Variants in TAF3 observed in about 807,000 individuals in gnomAD.
TAF3 encodes TATA-box binding protein associated factor 3.
TAF3 carries 7 observed loss-of-function variants against 80.6 expected under a neutral mutation model. The ratio of observed to expected loss-of-function variants is 0.09; its 90% CI spans 0.05 to 0.16. The LOEUF (loss-of-function observed/expected upper bound fraction) is 0.16. TAF3 is among the 10% of genes least tolerant of loss of function. TAF3 has a pLI of 1.00. For missense variants in TAF3, 921 were observed against 1,140.2 expected (o/e 0.81, Z 2.77); for synonymous variants, 444 against 446.1 (o/e 1.00, Z 0.06).
At chr10:7,919,990 A>T (rs917308693) in intron 2 of TAF3, among the ~76,000 whole-genome samples, 1 of 152,148 alleles carries the variant, frequency 6.6e-6, no homozygotes, top group East Asian at 1.9e-4. Flanking sequence ...TCATGCTGGT[A>T]ATCCCAGTGT....
chr10:7,824,738 G>A (rs1434471523), intron 2 of TAF3, among the ~76,000 whole-genome samples, 178 bp downstream of exon 2: 7 of 152,140 alleles, frequency 4.6e-5, no homozygotes, highest in Non-Finnish European at 8.8e-5. Context: ...TTACCAAGCC[G>A]AGTCACGGTG....
chr10:7,983,484 G>A (rs1831747177), intron 4 of TAF3, among the ~76,000 whole-genome samples: 1 of 152,132 alleles, frequency 6.6e-6, no homozygotes, highest in Admixed American at 6.5e-5. Context: ...ATTTCAGAAC[G>A]TCATCCTGTC....
intron 5 of TAF3, among the ~76,000 whole-genome samples, chr10:8,010,691 G>T (rs372766346): frequency 6.6e-6 from 1 of 152,210 alleles, no homozygotes; most frequent in South Asian, 2.1e-4. Flanking sequence ...TGGATCACTT[G>T]AGGTCAGGAG....
intron 6 of TAF3, 50 bp downstream of exon 6, chr10:8,013,887 C>A (rs377686447): frequency 6.7e-7 from 1 of 1,490,376 alleles, no homozygotes. Context: ...CAGCATCAGC[C>A]GCTCCTGAGA....
intron 2 of TAF3, among the ~76,000 whole-genome samples, chr10:7,933,686 A>C (rs936470505): frequency 1.3e-5 from 2 of 152,232 alleles, no homozygotes; most frequent in African/African-American, 4.8e-5. Flanking sequence ...TGTCTTTCAT[A>C]GGTCTCTAGT....
Position 7,899,503 on chromosome 10 carries a change from T to G in TAF3, c.410-64417T>G, listed in dbSNP as rs541254546. 5.3e-5 allele frequency among the ~76,000 whole-genome samples: 8 copies of G among 152,334 alleles called. No individual in the cohort carries two copies. The Middle Eastern group carries it at 0.014, about 259-fold the overall frequency. On this transcript the variant is annotated intron_variant, in intron 2 of 6. Transcript: ENST00000344293. Reference sequence around the variant, plus strand: ...TTGCAGTGTTTCTTTCCCTCTACAGTTAAACCCAGCCATTCACCCCTTCTC... The same window carrying G: ...TTGCAGTGTTTCTTTCCCTCTACAGGTAAACCCAGCCATTCACCCCTTCTC...
At chr10:7,822,195 TAGTGAC>T (rs1355280650) in intron 1 of TAF3, among the ~76,000 whole-genome samples, 7 of 143,608 alleles carry the variant, frequency 4.9e-5, no homozygotes, top group African/African-American at 1.8e-4. Flanking sequence ...TATACTGAGA[TAGTGAC>T]AGTAAGAATA....
At chr10:7,938,689 A>G (rs757548045) in intron 2 of TAF3, among the ~76,000 whole-genome samples, 3 of 152,356 alleles carry the variant, frequency 2.0e-5, no homozygotes, top group African/African-American at 2.4e-5. Context: ...TGAAACTGAG[A>G]TAAGAGAGGA....
At chr10:7,881,432 AG>A (rs1564355263) in intron 2 of TAF3, among the ~76,000 whole-genome samples, 1 of 152,072 alleles carries the variant, frequency 6.6e-6, no homozygotes, top group African/African-American at 2.4e-5. Context: ...TCTCTTTAAA[AG>A]GACAATAGTT....
At chr10:7,976,038 C>G (rs764459697) in intron 3 of TAF3, among the ~76,000 whole-genome samples, 1 of 152,084 alleles carries the variant, frequency 6.6e-6, no homozygotes, top group Non-Finnish European at 1.5e-5. Context: ...AAATGCAGAG[C>G]TTTTGTTTAG....
In TAF3 at chr10:7,820,141, A is replaced by C. The variant is rs35268313; in HGVS notation, c.166+1266A>C. Among the ~76,000 whole-genome samples, 845 of 152,216 alleles carry C rather than the reference A, an allele frequency of 5.6e-3. 8 individuals are homozygous for C. The highest frequency in any genetic ancestry group is 0.024 in the South Asian group (115 of 4,822). ...TACATGCGTGCTGTTTCTTACCTAG[A>C]GTGTCCTTTGCCCGTGGCCCACCAA... On this transcript the variant is annotated intron_variant, in intron 1 of 6. Coordinates refer to ENST00000344293, the MANE Select transcript of TAF3 (RefSeq NM_031923.4).
At chr10:8,011,153 G>C (rs965771618) in intron 5 of TAF3, among the ~76,000 whole-genome samples, 2 of 152,210 alleles carry the variant, frequency 1.3e-5, no homozygotes, top group African/African-American at 4.8e-5. Flanking sequence ...TGGTGGCCCT[G>C]ACCTTGTAAC....
In TAF3 at chr10:7,872,213, A is replaced by ATTTTTTTTT. The variant is rs34945620; in HGVS notation, c.409+47665_409+47673dup. Among the ~76,000 whole-genome samples the ATTTTTTTTT allele has an allele frequency of 1.1e-3, 135 of 121,904 alleles. 4 individuals are homozygous for ATTTTTTTTT. The highest frequency in any genetic ancestry group is 1.6e-3 in the African/African-American group (51 of 32,500). 80.0% of individuals were successfully genotyped at this position (121,904 alleles called of 152,430 possible). A position where few individuals can be genotyped will look rare whatever the true frequency, so the allele number is the denominator to read the frequency against. ...GTAACATGGTAGAAGTGTTGGGTTGATTTTTTTTTTTTTTTTTTTTCTTTC... is the reference window on the plus strand; with the variant it reads ...GTAACATGGTAGAAGTGTTGGGTTGATTTTTTTTTTTTTTTTTTTTTTTTTTTTTCTTTC... On this transcript the variant is annotated intron_variant, in intron 2 of 6. Transcript: ENST00000344293.
In TAF3 at chr10:8,009,378, G is replaced by A. The variant is rs762319202; in HGVS notation, c.2568+48G>A. 2.6e-6 allele frequency: 4 copies of A among 1,551,878 alleles called. No homozygotes were observed. Among genetic ancestry groups the A allele is most frequent in the East Asian group, 2.5e-5 (1 of 39,242 alleles). ...GTTAGCATGGAGACGTTTTCAGATC[G>A]AGACAAGTGTGTGCTCTGAATCACT... On this transcript the variant is annotated intron_variant, in intron 5 of 6. Transcript: ENST00000344293. The surrounding 1 kb of genome is among the most constrained non-coding windows in gnomAD (Gnocchi z 4.1).
intron 2 of TAF3, among the ~76,000 whole-genome samples, chr10:7,858,767 A>G (rs1455337792): frequency 1.3e-5 from 2 of 152,160 alleles, no homozygotes; most frequent in African/African-American, 2.4e-5. Flanking sequence ...TTTAATGTCA[A>G]CATTATCATC....
At chr10:7,867,829 C>G (rs577252814) in intron 2 of TAF3, among the ~76,000 whole-genome samples, 3 of 152,208 alleles carry the variant, frequency 2.0e-5, no homozygotes, top group Non-Finnish European at 4.4e-5. Flanking sequence ...TTGACTCCCC[C>G]AAAACTTTAC....
chr10:7,904,284 T>C (rs11255433), intron 2 of TAF3, among the ~76,000 whole-genome samples: 38,000 of 152,068 alleles, frequency 0.25, 4,855 homozygotes, highest in East Asian at 0.33. Context: ...GAAATGTTGC[T>C]TCTCTGATGA....
At chr10:8,008,920 C>T (rs926449053) in intron 4 of TAF3, among the ~76,000 whole-genome samples, 158 bp from the exon 5 acceptor site, 59 of 152,362 alleles carry the variant, frequency 3.9e-4, no homozygotes, top group African/African-American at 1.4e-3. Context: ...GGAGAGGCCA[C>T]TTCATGCAGG....
chr10:7,836,570 G>A (rs183056619), intron 2 of TAF3, among the ~76,000 whole-genome samples: 4 of 152,074 alleles, frequency 2.6e-5, no homozygotes, highest in African/African-American at 4.8e-5. Flanking sequence ...CACTGCACCC[G>A]GCCCATTTCC....
Sources: gnomAD v4.1 joint callset for allele counts (sites outside exome capture counted in the v4.1 genomes callset) on GRCh38, gnomAD v4.1.1 for gene constraint, Gnocchi (gnomAD v3.1) non-coding constraint, MANE v1.5 for transcripts, NCBI Gene and HGNC (gene_info 2026-07-23, HGNC 2026-07-21) for gene names.